ATP10B: variants seen among roughly 807,000 people sequenced by gnomAD.
ATP10B encodes phospholipid-transporting ATPase VB.
In ATP10B, 122 loss-of-function variants were observed where a neutral mutation model predicts 141.2. The observed-to-expected ratio is 0.86, with a 90% CI of 0.75 to 1.00. The LOEUF is 1.00. Ranked by LOEUF, ATP10B falls within the 50% of genes least tolerant of loss-of-function variation. The pLI is 0.00. For missense variants in ATP10B, 1,876 were observed against 1,825.3 expected, an observed-to-expected ratio of 1.03 and a Z score of -0.51; for synonymous variants, 685 against 692.0, an observed-to-expected ratio of 0.99 and a Z score of 0.16.
intron 3 of ATP10B, among the ~76,000 whole-genome samples, chr5:160,705,310 A>G (rs1381192326): frequency 6.6e-6 from 1 of 151,164 alleles, no homozygotes; most frequent in East Asian, 1.9e-4. Flanking sequence ...TGGCCTCAAC[A>G]TCCCAGGCTC....
At chr5:160,572,430 T>C (rs1461951804) in intron 24 of ATP10B, among the ~76,000 whole-genome samples, 1 of 152,168 alleles carries the variant, frequency 6.6e-6, no homozygotes, top group Non-Finnish European at 1.5e-5. Flanking sequence ...TTTTTCATAA[T>C]TATTTTAGTA....
At position 160,785,713 on chromosome 5, in the gene ATP10B, GAAT is replaced by G. The variant is rs1450019653; in HGVS notation, c.-488_-486del. 3.1e-6 allele frequency: 4 copies of G among 1,276,406 alleles called. No individual in the cohort carries two copies. The highest frequency in any genetic ancestry group is 3.1e-6 in the Non-Finnish European group (3 of 982,566). 79.1% of individuals were successfully genotyped at this position (1,276,406 alleles called of 1,614,324 possible). On this transcript the variant is annotated 5_prime_UTR_variant, in exon 2 of 26. Coordinates refer to ENST00000327245, the MANE Select transcript of ATP10B (RefSeq NM_025153.3). ...GTTCATTATCTCCACTGAGTGAGAT[GAAT>G]AATAGGAAAAACTACTTACTCTTCA...
intron 24 of ATP10B, among the ~76,000 whole-genome samples, chr5:160,581,093 A>G (rs947395839): frequency 3.3e-5 from 5 of 152,188 alleles, no homozygotes; most frequent in African/African-American, 7.2e-5. Flanking sequence ...TCAAAACACT[A>G]GTTCCTGGAT....
chr5:160,726,739 G>A (rs1766395911), intron 2 of ATP10B, among the ~76,000 whole-genome samples: 1 of 151,890 alleles, frequency 6.6e-6, no homozygotes, highest in Admixed American at 6.6e-5. Context: ...CTCATTTATT[G>A]GGTACTATGA....
intron 1 of ATP10B, among the ~76,000 whole-genome samples, chr5:160,815,548 C>T (rs181667456): frequency 6.8e-6 from 1 of 146,764 alleles, no homozygotes; most frequent in Admixed American, 6.9e-5. Flanking sequence ...GAGACTTAGA[C>T]TCCCACACAA....
At chr5:160,767,723 C>T (rs1769582971) in intron 2 of ATP10B, among the ~76,000 whole-genome samples, 1 of 146,182 alleles carries the variant, frequency 6.8e-6, no homozygotes, top group African/African-American at 2.5e-5. Flanking sequence ...AGCTTGGCTC[C>T]CTAACAAAAG....
At chr5:160,924,033 G>A in the ATP10B span, among the ~76,000 whole-genome samples, 1 of 152,290 alleles carries the variant, frequency 6.6e-6, no homozygotes, top group Admixed American at 6.5e-5. Flanking sequence ...GAGTAGTTAA[G>A]CAGCTCAACT....
intron 24 of ATP10B, among the ~76,000 whole-genome samples, chr5:160,579,636 T>C (rs1186047221): frequency 6.6e-6 from 1 of 152,170 alleles, no homozygotes; most frequent in African/African-American, 2.4e-5. Flanking sequence ...CTTAGCATTG[T>C]CTTGTCTATA....
chr5:160,658,525 A>T (rs1442008046), intron 7 of ATP10B, among the ~76,000 whole-genome samples: 1 of 152,180 alleles, frequency 6.6e-6, no homozygotes, highest in African/African-American at 2.4e-5. Flanking sequence ...CCCACAGACC[A>T]ATTTCAAACA....
intron 7 of ATP10B, among the ~76,000 whole-genome samples, chr5:160,656,014 C>G (rs1761470405): frequency 6.6e-6 from 1 of 152,290 alleles, no homozygotes; most frequent in Non-Finnish European, 1.5e-5. Context: ...CCAGGTACAG[C>G]AAGCCTGCCA....
In ATP10B at chr5:160,612,800, G is replaced by A; in HGVS notation, c.2779C>T (p.His927Tyr). The change falls in exon 18 of 26, where the codon CAT becomes TAT. Residue 927 changes from histidine (H) to tyrosine (Y), a missense_variant. Physicochemically the swap from His to Tyr is moderately conservative, Grantham distance 83 (BLOSUM62 2). Transcript: ENST00000327245. ...DKQETAVNIA[H>Y]SCRLLNQTDT... ...GTCTGATTTAACAGTCTGCAGGAAT[G>A]GGCAATGTTGACCGCTGTCTCCTGC... 6.2e-7 allele frequency: 1 copy of A among 1,614,060 alleles called. No individual in the cohort carries two copies. Among genetic ancestry groups the A allele is most frequent in the Non-Finnish European group, 8.5e-7 (1 of 1,179,972 alleles).
intron 22 of ATP10B, among the ~76,000 whole-genome samples, chr5:160,594,738 C>A (rs1394969612): frequency 1.3e-5 from 2 of 151,164 alleles, no homozygotes; most frequent in Non-Finnish European, 3.0e-5. Flanking sequence ...GGGTTGCAAT[C>A]CTAGTCTCTG....
At chr5:160,613,483 T>C (rs187848238) in intron 17 of ATP10B, among the ~76,000 whole-genome samples, 75 of 152,326 alleles carry the variant, frequency 4.9e-4, no homozygotes, top group African/African-American at 1.8e-3. Flanking sequence ...TGGGGAGTGA[T>C]AGAATCAGTT....
chr5:160,832,070 C>A (rs1320322437), intron 1 of ATP10B, among the ~76,000 whole-genome samples: 1 of 151,952 alleles, frequency 6.6e-6, no homozygotes, highest in Non-Finnish European at 1.5e-5. Context: ...AATAGCCCAG[C>A]ATTTGTCAAC....
At chr5:160,598,171 A>T (rs1269021750) in intron 22 of ATP10B, among the ~76,000 whole-genome samples, 3 of 151,760 alleles carry the variant, frequency 2.0e-5, no homozygotes, top group Non-Finnish European at 4.4e-5. Context: ...GATTAAGAAA[A>T]TGTGGCACAT....
chr5:160,697,153 A>G (rs1206952466), intron 3 of ATP10B, among the ~76,000 whole-genome samples: 3 of 152,240 alleles, frequency 2.0e-5, no homozygotes, highest in Non-Finnish European at 4.4e-5. Context: ...CTCACAAAGT[A>G]TTATTAAATT....
intron 1 of ATP10B, among the ~76,000 whole-genome samples, chr5:160,844,230 G>A (rs145483469): frequency 6.6e-5 from 10 of 151,994 alleles, no homozygotes; most frequent in African/African-American, 2.4e-4. Flanking sequence ...ACATATATGT[G>A]CTAAAAGATA....
chr5:160,854,892 T>C (rs1057027165), upstream of ATP10B, among the ~76,000 whole-genome samples: 2 of 152,162 alleles, frequency 1.3e-5, no homozygotes, highest in African/African-American at 2.4e-5. Context: ...ATTATTCTTA[T>C]TCTACGAGAG....
At chr5:160,632,060 A>T in intron 13 of ATP10B, 69 bp downstream of exon 13, 1 of 1,445,720 alleles carries the variant, frequency 6.9e-7, no homozygotes, top group Non-Finnish European at 9.4e-7. Context: ...TTTCTTTTTC[A>T]CATTCCAGAG....
Sources: gnomAD v4.1 joint callset for allele counts (sites outside exome capture counted in the v4.1 genomes callset) on GRCh38, gnomAD v4.1.1 for gene constraint, MANE v1.5 for transcripts, NCBI Gene and HGNC (gene_info 2026-07-23, HGNC 2026-07-21) for gene names.